Variants in PTPRE observed in about 807,000 individuals in gnomAD.
PTPRE encodes protein tyrosine phosphatase receptor type E.
PTPRE carries 51 observed loss-of-function variants against 102.0 expected under a neutral mutation model. The observed-to-expected ratio is 0.50, with a 90% CI of 0.40 to 0.63. The LOEUF is 0.63. PTPRE is among the 30% of genes least tolerant of loss of function. The pLI is 0.00. For missense variants in PTPRE, 752 were observed against 915.1 expected (o/e 0.82, Z 2.30); for synonymous variants, 345 against 348.2 (o/e 0.99, Z 0.10).
chr10:128,012,408 C>T (rs1157416156), intron 2 of PTPRE, among the ~76,000 whole-genome samples: 1 of 152,182 alleles, frequency 6.6e-6, no homozygotes, highest in African/African-American at 2.4e-5. Context: ...CCATCCTCCC[C>T]ATGAGCCTGA....
chr10:127,930,719 G>A (rs1847366407), intron 1 of PTPRE, among the ~76,000 whole-genome samples: 1 of 151,936 alleles, frequency 6.6e-6, no homozygotes, highest in Non-Finnish European at 1.5e-5. Flanking sequence ...TTCACCATTT[G>A]CTTTTCCACC....
intron 2 of PTPRE, among the ~76,000 whole-genome samples, chr10:128,003,971 C>T (rs1854246346): frequency 6.6e-6 from 1 of 151,938 alleles, no homozygotes; most frequent in Non-Finnish European, 1.5e-5. Context: ...GAGAGGAAGC[C>T]ATGTCATCTA....
intron 12 of PTPRE, 94 bp from the exon 13 acceptor site, chr10:128,069,598 T>G (rs931986544): frequency 6.6e-7 from 1 of 1,518,454 alleles, no homozygotes; most frequent in Non-Finnish European, 8.9e-7. Flanking sequence ...AAAAGTTGCA[T>G]CCAGTGACCT....
At chr10:128,017,206 G>A (rs1162733422) in intron 2 of PTPRE, among the ~76,000 whole-genome samples, 3 of 152,178 alleles carry the variant, frequency 2.0e-5, no homozygotes, top group Non-Finnish European at 2.9e-5. Context: ...AGAGGTGCTG[G>A]TCCCTGGAGA....
chr10:128,001,674 G>A (rs1853911959), intron 2 of PTPRE, among the ~76,000 whole-genome samples: 1 of 152,140 alleles, frequency 6.6e-6, no homozygotes, highest in Non-Finnish European at 1.5e-5. Flanking sequence ...GGCAAATTAA[G>A]GATTATGCCC....
chr10:128,044,859 G>A (rs1847966910), intron 3 of PTPRE, among the ~76,000 whole-genome samples: 5 of 152,240 alleles, frequency 3.3e-5, no homozygotes, highest in Admixed American at 3.3e-4. Flanking sequence ...TAAAAAAAAT[G>A]TTTTTAAATT....
intron 1 of PTPRE, among the ~76,000 whole-genome samples, chr10:127,911,196 T>G (rs1021350323): frequency 6.6e-6 from 1 of 152,220 alleles, no homozygotes; most frequent in Non-Finnish European, 1.5e-5. Context: ...ATCAGTGTGG[T>G]GTGGCATGCC....
At chr10:128,022,569 C>T (rs11815719) in intron 2 of PTPRE, among the ~76,000 whole-genome samples, 5,316 of 152,306 alleles carry the variant, frequency 0.035, 296 homozygotes, top group African/African-American at 0.12. Context: ...CACAGTTTCA[C>T]TGGTGCTGCT....
chr10:127,951,138 C>T (rs1848992372), intron 1 of PTPRE, among the ~76,000 whole-genome samples: 1 of 152,036 alleles, frequency 6.6e-6, no homozygotes, highest in Non-Finnish European at 1.5e-5. Flanking sequence ...TAAATTCTTA[C>T]CTGATCTGTA....
Position 128,028,689 on chromosome 10 carries a change from T to A in PTPRE, c.-7-12186T>A, listed in dbSNP as rs1310576383. Among the ~76,000 whole-genome samples the A allele has an allele frequency of 1.3e-5, 2 of 151,822 alleles. No homozygotes were observed. Among genetic ancestry groups the A allele is most frequent in the African/African-American group, 2.4e-5 (1 of 41,316 alleles). The stretch of plus-strand genomic sequence containing the variant: ...GGGCCCAGGGTTCCTTGGTCTTGGG[T>A]TCTGATGCCTTCATTCCCAGAACAC... On this transcript the variant is annotated intron_variant, in intron 2 of 20. Coordinates refer to ENST00000254667, the MANE Select transcript of PTPRE (RefSeq NM_006504.6). The surrounding 1 kb of genome is among the most constrained non-coding windows in gnomAD (Gnocchi z 4.5).
intron 2 of PTPRE, among the ~76,000 whole-genome samples, chr10:128,023,654 G>A (rs1471913054): frequency 1.3e-5 from 2 of 152,192 alleles, no homozygotes; most frequent in South Asian, 2.1e-4. Flanking sequence ...ACCGTATCCC[G>A]CACAGATAAG....
intron 1 of PTPRE, among the ~76,000 whole-genome samples, chr10:127,975,894 A>G (rs1057369997): frequency 6.6e-6 from 1 of 152,090 alleles, no homozygotes; most frequent in Non-Finnish European, 1.5e-5. Context: ...CCTTGTGGCA[A>G]GCTACCCTAT....
rs1439083095 is a variant in PTPRE at position 128,015,479 on chromosome 10, G to A, written c.-7-25396G>A. On this transcript the variant is annotated intron_variant, in intron 2 of 20. Coordinates refer to ENST00000254667, the MANE Select transcript of PTPRE (RefSeq NM_006504.6). Reference sequence around the variant, plus strand: ...CCTCCTGGGTTCACACCATTCTCCTGCCTCAGCCTCCTGAGTAGCTGGGAC... The same window carrying A: ...CCTCCTGGGTTCACACCATTCTCCTACCTCAGCCTCCTGAGTAGCTGGGAC... Among the ~76,000 whole-genome samples, 4 of 152,160 alleles carry A rather than the reference G, an allele frequency of 2.6e-5. No homozygotes were observed. The East Asian group carries it at 5.8e-4, about 22-fold the overall frequency.
chr10:128,016,302 G>A (rs1322830998), intron 2 of PTPRE, among the ~76,000 whole-genome samples: 1 of 152,122 alleles, frequency 6.6e-6, no homozygotes, highest in African/African-American at 2.4e-5. Flanking sequence ...GTCACATTTA[G>A]TCAGCGGGAC....
intron 1 of PTPRE, among the ~76,000 whole-genome samples, chr10:127,952,971 G>A (rs1422580309): frequency 6.6e-6 from 1 of 152,166 alleles, no homozygotes. Context: ...GGGGTCCAGT[G>A]GTATGGGGCA....
intron 2 of PTPRE, among the ~76,000 whole-genome samples, chr10:128,004,096 G>A (rs998688813): frequency 1.3e-5 from 2 of 151,952 alleles, no homozygotes; most frequent in Non-Finnish European, 2.9e-5. Context: ...GGTCAATGAT[G>A]TGAAGCACTT....
chr10:127,974,297 A>G (rs1346594513), intron 1 of PTPRE, among the ~76,000 whole-genome samples: 1 of 152,226 alleles, frequency 6.6e-6, no homozygotes, highest in African/African-American at 2.4e-5. Context: ...TATTTCGCAG[A>G]TGAAGAAACT....
intron 6 of PTPRE, among the ~76,000 whole-genome samples, chr10:128,054,012 C>T (rs549270836): frequency 1.3e-5 from 2 of 152,192 alleles, no homozygotes; most frequent in South Asian, 2.1e-4. Flanking sequence ...CCACCCGCCT[C>T]GACTTCCAAA....
At chr10:127,936,284 C>T (rs1368118172) in intron 1 of PTPRE, 1 of 152,128 alleles carries the variant, frequency 6.6e-6, no homozygotes, top group African/African-American at 2.4e-5. Context: ...AGAGGCAACC[C>T]CACAGCAAAG....
Sources: allele counts gnomAD v4.1 joint callset (sites outside exome capture counted in the v4.1 genomes callset), GRCh38; gene constraint gnomAD v4.1.1; non-coding constraint Gnocchi (gnomAD v3.1); transcripts MANE v1.5; gene names NCBI Gene and HGNC (gene_info 2026-07-23, HGNC 2026-07-21).